Variants in PRKG1 observed in about 807,000 individuals in gnomAD.
The protein encoded by PRKG1 is protein kinase cGMP-dependent 1.
Under a neutral mutation model 88.1 loss-of-function variants are expected in PRKG1, and 35 were observed. That is an observed-to-expected ratio of 0.40 (90% CI 0.30 to 0.53). The LOEUF (loss-of-function observed/expected upper bound fraction) is 0.53. Among genes scored for constraint, PRKG1 ranks in the 20% least tolerant of loss-of-function variants. The pLI, the probability that PRKG1 is intolerant of heterozygous loss-of-function variation, is 0.59. For missense variants in PRKG1, 540 were observed against 839.8 expected (o/e 0.64, Z 4.41); for synonymous variants, 303 against 292.5 (o/e 1.04, Z -0.37).
intron 3 of PRKG1, among the ~76,000 whole-genome samples, chr10:51,681,940 T>C (rs1840860951): frequency 6.6e-6 from 1 of 152,204 alleles, no homozygotes; most frequent in African/African-American, 2.4e-5. Context: ...GCTATATATA[T>C]AACATTTTAA....
chr10:51,190,418 G>A (rs1052175125), intron 2 of PRKG1, among the ~76,000 whole-genome samples: 22 of 151,898 alleles, frequency 1.4e-4, no homozygotes, highest in Admixed American at 1.2e-3. Flanking sequence ...ATGCAAGAAA[G>A]AGATTAGCAA....
At chr10:52,115,957 C>T (rs916128894) in intron 7 of PRKG1, among the ~76,000 whole-genome samples, 13 of 151,900 alleles carry the variant, frequency 8.6e-5, no homozygotes, top group South Asian at 6.3e-4. Flanking sequence ...AATCAGGCAG[C>T]GCCCTGAACC....
chr10:51,734,099 C>T (rs1837198710), intron 3 of PRKG1, among the ~76,000 whole-genome samples: 1 of 151,612 alleles, frequency 6.6e-6, no homozygotes, highest in Non-Finnish European at 1.5e-5. Flanking sequence ...TTTTTTGCTC[C>T]TGGCATCTTA....
chr10:51,734,041 A>G (rs1462646008), intron 3 of PRKG1, among the ~76,000 whole-genome samples: 2 of 152,108 alleles, frequency 1.3e-5, no homozygotes, highest in Non-Finnish European at 2.9e-5. Context: ...TCTTGTGATC[A>G]CCTTTTTAAA....
chr10:51,480,744 G>A (rs1840331576), intron 3 of PRKG1, among the ~76,000 whole-genome samples: 1 of 152,052 alleles, frequency 6.6e-6, no homozygotes, highest in Non-Finnish European at 1.5e-5. Context: ...AGTACTGATA[G>A]GGGTTATTGA....
intron 4 of PRKG1, among the ~76,000 whole-genome samples, chr10:51,882,466 T>C (rs1365799646): frequency 1.3e-5 from 2 of 152,228 alleles, no homozygotes; most frequent in Non-Finnish European, 2.9e-5. Context: ...TAAAGCCTCA[T>C]TGTATGTTAG....
intron 3 of PRKG1, among the ~76,000 whole-genome samples, chr10:51,662,224 A>G (rs1241150432): frequency 1.3e-5 from 2 of 152,138 alleles, no homozygotes; most frequent in Non-Finnish European, 2.9e-5. Context: ...CCTAAAGTAT[A>G]CTTTTAAAAA....
chr10:51,900,722 GACTTA>G (rs1841961891), intron 4 of PRKG1, among the ~76,000 whole-genome samples: 2 of 151,986 alleles, frequency 1.3e-5, no homozygotes, highest in South Asian at 4.1e-4. Context: ...TTAAGTGATG[GACTTA>G]ACTTTGTTCA....
chr10:51,321,551 G>A (rs1841455852), intron 2 of PRKG1, among the ~76,000 whole-genome samples: 1 of 152,072 alleles, frequency 6.6e-6, no homozygotes, highest in Admixed American at 6.6e-5. Flanking sequence ...TTATCTGTGA[G>A]AACTAAAAAT....
At chr10:51,795,898 C>T (rs890037467) in intron 3 of PRKG1, among the ~76,000 whole-genome samples, 4 of 152,078 alleles carry the variant, frequency 2.6e-5, no homozygotes, top group Admixed American at 1.3e-4. Flanking sequence ...TACCTACTAT[C>T]TGAGAATGTT....
Position 51,872,155 on chromosome 10 carries a change from T to A in PRKG1, c.699-35352T>A, listed in dbSNP as rs150741215. Reference sequence around the variant, plus strand: ...TAGATTCATTTCACAAATGCAGTACTTTGCACAGAACATTAGGAAACTTTA... The same window carrying A: ...TAGATTCATTTCACAAATGCAGTACATTGCACAGAACATTAGGAAACTTTA... On this transcript the variant is annotated intron_variant, in intron 4 of 17. Coordinates refer to ENST00000373980, the MANE Select transcript of PRKG1 (RefSeq NM_006258.4). Among the ~76,000 whole-genome samples the A allele has an allele frequency of 1.5e-4, 23 of 152,306 alleles. No individual in the cohort carries two copies. In the East Asian group the frequency reaches 4.4e-3, roughly 29 times the overall value.
chr10:51,286,440 A>T (rs1039008408), intron 2 of PRKG1, among the ~76,000 whole-genome samples: 9 of 152,054 alleles, frequency 5.9e-5, no homozygotes, highest in African/African-American at 1.9e-4. Flanking sequence ...TTCTTATAAC[A>T]TTTATTTCTT....
At chr10:51,911,127 A>AG (rs1451126752) in intron 5 of PRKG1, 1 of 152,212 alleles carries the variant, frequency 6.6e-6, no homozygotes, top group Non-Finnish European at 1.5e-5. Flanking sequence ...AAAATTTATG[A>AG]GAAAAAGTAC....
chr10:51,196,987 T>A (rs1338097681), intron 2 of PRKG1, among the ~76,000 whole-genome samples: 1 of 152,158 alleles, frequency 6.6e-6, no homozygotes, highest in Non-Finnish European at 1.5e-5. Context: ...CTTTGGCACT[T>A]CTGTTCTGCT....
At position 51,068,698 on chromosome 10, in the gene PRKG1, A is replaced by C. The variant is rs1843784676; in HGVS notation, c.266+77054A>C. The C allele has an allele frequency of 2.0e-5, 3 of 152,150 alleles. No homozygotes were observed. The South Asian group carries it at 6.2e-4, about 32-fold the overall frequency. 9.4% of individuals were successfully genotyped at this position (152,150 alleles called of 1,614,324 possible). On this transcript the variant is annotated intron_variant, in intron 1 of 17. Coordinates refer to the PRKG1 transcript ENST00000401604. ...TGTTTTCAGAATCAAAATTACTTTTAAAAATACTTTAGAATATTTTGTGGA... is the reference window on the plus strand; with the variant it reads ...TGTTTTCAGAATCAAAATTACTTTTCAAAATACTTTAGAATATTTTGTGGA...
At chr10:52,238,641 G>C (rs1421825944) in intron 9 of PRKG1, among the ~76,000 whole-genome samples, 15 of 149,634 alleles carry the variant, frequency 1.0e-4, no homozygotes, top group Non-Finnish European at 8.8e-5. Context: ...ACACCAGTTA[G>C]AATGGCAATC....
intron 3 of PRKG1, among the ~76,000 whole-genome samples, chr10:51,478,266 A>C (rs1416975523): frequency 6.6e-6 from 1 of 152,156 alleles, no homozygotes; most frequent in Non-Finnish European, 1.5e-5. Flanking sequence ...CAGACAAATG[A>C]CAAAAGTAGA....
At chr10:51,195,110 G>A (rs1055507313) in intron 2 of PRKG1, among the ~76,000 whole-genome samples, 3 of 152,176 alleles carry the variant, frequency 2.0e-5, no homozygotes, top group Non-Finnish European at 4.4e-5. Flanking sequence ...CTTCAGTGAA[G>A]CTTTAGAAAT....
chr10:51,820,715 A>G (rs537517752), intron 4 of PRKG1, among the ~76,000 whole-genome samples: 1 of 152,238 alleles, frequency 6.6e-6, no homozygotes, highest in South Asian at 2.1e-4. Context: ...GTAATGGAAA[A>G]CTTGTGGTTT....
Sources: allele counts gnomAD v4.1 joint callset (sites outside exome capture counted in the v4.1 genomes callset), GRCh38; gene constraint gnomAD v4.1.1; transcripts MANE v1.5; gene names NCBI Gene and HGNC (gene_info 2026-07-23, HGNC 2026-07-21).